The following KLF13 variants were observed in gnomAD, a reference collection of about 807,000 sequenced individuals.
KLF13 encodes Krueppel-like factor 13.
In KLF13, 8 loss-of-function variants were observed where a neutral mutation model predicts 16.7. The observed-to-expected ratio is 0.48, with a 90% CI of 0.28 to 0.87. The LOEUF (loss-of-function observed/expected upper bound fraction) is 0.87. KLF13 is among the 40% of genes least tolerant of loss of function. The pLI, the probability that KLF13 is intolerant of heterozygous loss-of-function variation, is 0.10. For missense variants in KLF13, 447 were observed against 452.2 expected, an observed-to-expected ratio of 0.99 and a Z score of 0.10; for synonymous variants, 245 against 208.4, an observed-to-expected ratio of 1.18 and a Z score of -1.51.
chr15:31,378,854 G>C (rs2039690058), downstream of KLF13, among the ~76,000 whole-genome samples: 1 of 152,118 alleles, frequency 6.6e-6, no homozygotes, highest in Non-Finnish European at 1.5e-5. Flanking sequence ...TGAGTAGCTG[G>C]GATTACAGAT....
At chr15:31,331,945 G>T (rs1438006319) in intron 1 of KLF13, among the ~76,000 whole-genome samples, 3 of 152,224 alleles carry the variant, frequency 2.0e-5, no homozygotes, top group African/African-American at 7.2e-5. Flanking sequence ...GCTTAAATGA[G>T]GCATCTTCAT....
At chr15:31,330,585 T>C (rs765508074) in intron 1 of KLF13, among the ~76,000 whole-genome samples, 5 of 152,228 alleles carry the variant, frequency 3.3e-5, no homozygotes, top group Non-Finnish European at 7.3e-5. Context: ...GAGGCACTTG[T>C]GGTCCCTTGG....
intron 1 of KLF13, among the ~76,000 whole-genome samples, chr15:31,421,199 C>T (rs961526079): frequency 1.3e-5 from 2 of 151,892 alleles, no homozygotes; most frequent in African/African-American, 2.4e-5. Flanking sequence ...GAAATAAAGA[C>T]CTTCCCAGAA....
At chr15:31,408,028 C>A (rs1387087852), downstream of KLF13, among the ~76,000 whole-genome samples, 1 of 152,056 alleles carries the variant, frequency 6.6e-6, no homozygotes, top group Non-Finnish European at 1.5e-5. Context: ...TTAACCAATG[C>A]AATCATGTAA....
At position 31,327,808 on chromosome 15, in the gene KLF13, G is replaced by T; in HGVS notation, c.577+19G>T. The T allele has an allele frequency of 6.9e-7, 1 of 1,453,918 alleles. No homozygotes were observed. Among genetic ancestry groups the T allele is most frequent in the African/African-American group, 1.5e-5 (1 of 68,124 alleles). The allele number at this position is 1,453,918 out of a possible 1,614,324, so 90.1% of individuals were successfully genotyped here. On this transcript the variant is annotated intron_variant, in intron 1 of 1. Coordinates refer to ENST00000307145, the MANE Select transcript of KLF13 (RefSeq NM_015995.4). ...CACACAGGTCAGTGGGGCGGCGCGG[G>T]CGCCCGGATCGCGCGGACGGGGTCG...
At chr15:31,330,700 C>T (rs941983737) in intron 1 of KLF13, among the ~76,000 whole-genome samples, 1 of 152,256 alleles carries the variant, frequency 6.6e-6, no homozygotes, top group African/African-American at 2.4e-5. Flanking sequence ...CACTCCCACT[C>T]TTCCAGGAGT....
downstream of KLF13, among the ~76,000 whole-genome samples, chr15:31,409,225 C>A (rs983271512): frequency 3.9e-5 from 6 of 152,044 alleles, no homozygotes; most frequent in African/African-American, 1.4e-4. Flanking sequence ...GCGGAGTTCA[C>A]AGTGAGTCAA....
In KLF13 at chr15:31,423,133, G is replaced by A. The variant is rs1192338326; in HGVS notation, n.118-12237G>A. Among the ~76,000 whole-genome samples, 20 of 95,634 alleles carry A rather than the reference G, an allele frequency of 2.1e-4. 3 individuals carry two copies. Among genetic ancestry groups the A allele is most frequent in the South Asian group, 8.8e-4 (3 of 3,426 alleles). 62.7% of individuals were successfully genotyped at this position (95,634 alleles called of 152,430 possible). A position where few individuals can be genotyped will look rare whatever the true frequency, so the allele number is the denominator to read the frequency against. ...TATACGTATATATACGTATATATAC[G>A]TATACGTATACGTATATATACGTAT... On this transcript the variant is annotated intron_variant and non_coding_transcript_variant, in intron 1 of 1. Coordinates refer to the KLF13 transcript ENST00000558225.
intron 1 of KLF13, among the ~76,000 whole-genome samples, chr15:31,335,419 C>T (rs2038910940): frequency 8.2e-6 from 1 of 121,544 alleles, no homozygotes; most frequent in East Asian, 2.6e-4. Flanking sequence ...TGCTGTTGGG[C>T]ATTGTGTGTG....
chr15:31,404,671 C>T (rs1285403292), exon 3 of KLF13: 2 of 152,246 alleles, frequency 1.3e-5, no homozygotes, highest in Non-Finnish European at 2.9e-5. Context: ...CACTGGGTCC[C>T]CATCCCTGTT....
rs187848235 is a variant in KLF13, at chr15:31,369,245, A to G, written c.578-2765A>G. 4.3e-3 allele frequency among the ~76,000 whole-genome samples: 657 copies of G among 152,276 alleles called. 3 individuals are homozygous for G. Among genetic ancestry groups the G allele is most frequent in the Non-Finnish European group, 7.0e-3 (479 of 68,026 alleles). On this transcript the variant is annotated intron_variant, in intron 1 of 1. Coordinates refer to ENST00000307145, the MANE Select transcript of KLF13 (RefSeq NM_015995.4). ...TCTGCTGGGCCCACAGGTCAGTTGT[A>G]TGGCCTTTGTTTATAGGATTGGTTC...
At chr15:31,365,890 C>A (rs1026646719) in intron 1 of KLF13, among the ~76,000 whole-genome samples, 2 of 152,160 alleles carry the variant, frequency 1.3e-5, no homozygotes, top group African/African-American at 2.4e-5. Flanking sequence ...CCTGCGCCCC[C>A]CTTCCGGCTG....
intron 1 of KLF13, among the ~76,000 whole-genome samples, chr15:31,368,469 A>G (rs1278928674): frequency 6.6e-6 from 1 of 152,206 alleles, no homozygotes; most frequent in Non-Finnish European, 1.5e-5. Flanking sequence ...TTCTTTGAAC[A>G]TGTTTTGGGA....
At chr15:31,406,940 T>C (rs1433368025), downstream of KLF13, among the ~76,000 whole-genome samples, 1 of 152,148 alleles carries the variant, frequency 6.6e-6, no homozygotes, top group Non-Finnish European at 1.5e-5. Flanking sequence ...TACATTGGGC[T>C]CCCTGGGATA....
rs535429043 is a variant in KLF13, at chr15:31,368,169, G to T, written c.578-3841G>T. ...AGATCACATGCACAGGTTCTGGAGG[G>T]TTATCACTTGGCTATATCTTTTGGG... On this transcript the variant is annotated intron_variant, in intron 1 of 1. Coordinates refer to ENST00000307145, the MANE Select transcript of KLF13 (RefSeq NM_015995.4). 8.5e-5 allele frequency among the ~76,000 whole-genome samples: 13 copies of T among 152,298 alleles called. No individual in the cohort carries two copies. In the East Asian group the frequency reaches 2.5e-3, roughly 29 times the overall value.
chr15:31,369,967 C>T (rs1426913129), intron 1 of KLF13, among the ~76,000 whole-genome samples: 1 of 151,728 alleles, frequency 6.6e-6, no homozygotes, highest in African/African-American at 2.4e-5. Context: ...CAGAGCTTCT[C>T]GCAGCAGAGG....
chr15:31,353,855 C>G (rs1359140242), intron 1 of KLF13, among the ~76,000 whole-genome samples: 1 of 152,078 alleles, frequency 6.6e-6, no homozygotes, highest in Non-Finnish European at 1.5e-5. Flanking sequence ...AGGCATGGGC[C>G]TCAGAGGAGA....
chr15:31,369,926 G>A (rs1377705326), intron 1 of KLF13, among the ~76,000 whole-genome samples: 1 of 152,038 alleles, frequency 6.6e-6, no homozygotes, highest in Non-Finnish European at 1.5e-5. Context: ...AGCTGTGAGA[G>A]CTCCTGTTTT....
downstream of KLF13, among the ~76,000 whole-genome samples, chr15:31,379,288 C>T (rs2039694694): frequency 6.6e-6 from 1 of 152,130 alleles, no homozygotes; most frequent in Admixed American, 6.5e-5. Context: ...GTTTGGAGCC[C>T]ATTCTTGGTT....
Sources: gnomAD v4.1 joint callset for allele counts (sites outside exome capture counted in the v4.1 genomes callset) on GRCh38, gnomAD v4.1.1 for gene constraint, MANE v1.5 for transcripts, NCBI Gene and HGNC (gene_info 2026-07-23, HGNC 2026-07-21) for gene names.